The following LINGO2 variants were observed in gnomAD, a reference collection of about 807,000 sequenced individuals.
LINGO2 encodes the protein leucine rich repeat and Ig domain containing 2, also known as leucine-rich repeat and immunoglobulin-like domain-containing nogo receptor-interacting protein 2.
LINGO2 carries 14 observed loss-of-function variants against 30.6 expected under a neutral mutation model. The ratio of observed to expected loss-of-function variants is 0.46; its 90% CI spans 0.30 to 0.72. The LOEUF (loss-of-function observed/expected upper bound fraction) is 0.72. LINGO2 is among the 30% of genes least tolerant of loss of function. The pLI, the probability that LINGO2 is intolerant of heterozygous loss-of-function variation, is 0.07. For missense variants in LINGO2, 729 were observed against 751.7 expected (o/e 0.97, Z 0.35); for synonymous variants, 317 against 288.5 (o/e 1.10, Z -1.00).
At chr9:28,199,594 C>T (rs925935671) in intron 4 of LINGO2, among the ~76,000 whole-genome samples, 2 of 151,978 alleles carry the variant, frequency 1.3e-5, no homozygotes, top group Admixed American at 6.6e-5. Flanking sequence ...TGCCTCGGCC[C>T]CCCAAAGTGT....
At chr9:28,042,098 C>G (rs1444483159) in intron 4 of LINGO2, among the ~76,000 whole-genome samples, 1 of 152,158 alleles carries the variant, frequency 6.6e-6, no homozygotes, top group East Asian at 1.9e-4. Flanking sequence ...AGGATTTAAT[C>G]AAATACAGTG....
chr9:28,460,599 T>C (rs888313080), intron 2 of LINGO2, among the ~76,000 whole-genome samples: 1 of 151,944 alleles, frequency 6.6e-6, no homozygotes, highest in African/African-American at 2.4e-5. Flanking sequence ...AATGGAGAAA[T>C]GGGGGAAATT....
chr9:28,983,218 T>C, the LINGO2 span, among the ~76,000 whole-genome samples: 4 of 151,232 alleles, frequency 2.6e-5, no homozygotes, highest in Non-Finnish European at 4.4e-5. Flanking sequence ...AAACTAAGAA[T>C]ATGCAATGAG....
chr9:28,959,612 T>TCTCTCTCTCTCACA, the LINGO2 span, among the ~76,000 whole-genome samples: 23 of 132,156 alleles, frequency 1.7e-4, no homozygotes, highest in Admixed American at 1.6e-3. Flanking sequence ...TCTCTCTCCC[T>TCTCTCTCTCTCACA]CACACACACA....
chr9:28,734,381 T>C, the LINGO2 span, among the ~76,000 whole-genome samples: 1 of 152,322 alleles, frequency 6.6e-6, no homozygotes, highest in South Asian at 2.1e-4. Context: ...TTACAATTTA[T>C]AAATTACTTA....
intron 1 of LINGO2, among the ~76,000 whole-genome samples, chr9:28,479,845 C>CTGTG (rs528584169): frequency 0.029 from 1,762 of 60,082 alleles, 36 homozygotes; most frequent in Non-Finnish European, 0.038. Flanking sequence ...ACCATGTCAT[C>CTGTG]TGTGTGTGTG....
chr9:28,689,084 T>A, the LINGO2 span, among the ~76,000 whole-genome samples: 1 of 152,206 alleles, frequency 6.6e-6, no homozygotes, highest in African/African-American at 2.4e-5. Flanking sequence ...TGTAAGACTG[T>A]CTTGTAATAC....
chr9:29,008,779 A>G, the LINGO2 span, among the ~76,000 whole-genome samples: 1 of 151,618 alleles, frequency 6.6e-6, no homozygotes, highest in African/African-American at 2.4e-5. Flanking sequence ...GGGTTGTTTG[A>G]TTTTTTTCTT....
At chr9:28,830,480 A>AAATGGAAAACCAAAATGGAAAT in the LINGO2 span, among the ~76,000 whole-genome samples, 19 of 152,162 alleles carry the variant, frequency 1.2e-4, no homozygotes, top group African/African-American at 4.6e-4. Flanking sequence ...GAAATGAACA[A>AAATGGAAAACCAAAATGGAAAT]GACTGTTCTG....
intron 1 of LINGO2, among the ~76,000 whole-genome samples, chr9:28,569,159 T>G (rs576570699): frequency 2.6e-4 from 40 of 152,122 alleles, no homozygotes; most frequent in Admixed American, 9.8e-4. Flanking sequence ...GTAAATGTAC[T>G]GAAAAAGTAA....
chr9:28,044,985 A>G (rs1035219851), intron 4 of LINGO2, among the ~76,000 whole-genome samples: 1 of 152,106 alleles, frequency 6.6e-6, no homozygotes, highest in South Asian at 2.1e-4. Context: ...CCTGACTCCC[A>G]TGTGCATTTC....
chr9:28,509,285 A>G (rs1820275772), intron 1 of LINGO2, among the ~76,000 whole-genome samples: 1 of 152,206 alleles, frequency 6.6e-6, no homozygotes, highest in East Asian at 1.9e-4. Flanking sequence ...TCGCTCGGAC[A>G]TGAAAAATCT....
At chr9:28,792,223 C>T in the LINGO2 span, among the ~76,000 whole-genome samples, 1 of 151,646 alleles carries the variant, frequency 6.6e-6, no homozygotes, top group Non-Finnish European at 1.5e-5. Flanking sequence ...GGCTTACAGG[C>T]TAGGATAAGA....
At chr9:28,509,378 C>A (rs1000819832) in intron 1 of LINGO2, among the ~76,000 whole-genome samples, 1 of 152,176 alleles carries the variant, frequency 6.6e-6, no homozygotes, top group African/African-American at 2.4e-5. Flanking sequence ...TAGCCTTCTG[C>A]TTTTTGATTG....
At chr9:28,355,174 AT>A (rs559712874) in intron 3 of LINGO2, among the ~76,000 whole-genome samples, 37 of 151,178 alleles carry the variant, frequency 2.4e-4, no homozygotes, top group African/African-American at 8.3e-4. Context: ...TTAACCATCT[AT>A]TTTTTTTCTT....
chr9:29,125,248 C>T, the LINGO2 span, among the ~76,000 whole-genome samples: 1 of 151,812 alleles, frequency 6.6e-6, no homozygotes, highest in Non-Finnish European at 1.5e-5. Flanking sequence ...TATCACACAC[C>T]AAGGCTTGTC....
At chr9:28,011,401 T>C (rs1354076739) in intron 5 of LINGO2, among the ~76,000 whole-genome samples, 2 of 152,044 alleles carry the variant, frequency 1.3e-5, no homozygotes, top group Non-Finnish European at 2.9e-5. Context: ...GAATAGAGAG[T>C]ACAGGGGTGC....
At chr9:28,037,069 G>A (rs1270887513) in intron 4 of LINGO2, among the ~76,000 whole-genome samples, 5 of 152,130 alleles carry the variant, frequency 3.3e-5, no homozygotes, top group African/African-American at 9.7e-5. Flanking sequence ...GCTTATTGTG[G>A]ATGAATTCCT....
chr9:29,168,944 T>C, the LINGO2 span, among the ~76,000 whole-genome samples: 29 of 152,172 alleles, frequency 1.9e-4, no homozygotes, highest in Non-Finnish European at 2.6e-4. Context: ...TTTAAAACTC[T>C]GGATTTTCTT....
Sources: allele counts gnomAD v4.1 joint callset (sites outside exome capture counted in the v4.1 genomes callset), GRCh38; gene constraint gnomAD v4.1.1; transcripts MANE v1.5; gene names NCBI Gene and HGNC (gene_info 2026-07-23, HGNC 2026-07-21).